Variants in PEX5 observed in about 807,000 individuals in gnomAD.
PEX5 encodes the protein peroxisomal biogenesis factor 5.
PEX5 carries 52 observed loss-of-function variants against 82.9 expected under a neutral mutation model. The observed-to-expected ratio is 0.63, with a 90% CI of 0.50 to 0.79. The LOEUF is 0.79. Among genes scored for constraint, PEX5 ranks in the 30% least tolerant of loss-of-function variants. PEX5 has a pLI of 0.00. For synonymous variants in PEX5, 300 were observed against 318.8 expected (o/e 0.94, Z 0.63); for missense variants, 719 against 815.2 (o/e 0.88, Z 1.44).
downstream of PEX5, among the ~76,000 whole-genome samples, chr12:7,216,113 G>A (rs775287193): frequency 2.6e-5 from 4 of 151,978 alleles, no homozygotes; most frequent in Non-Finnish European, 5.9e-5. Flanking sequence ...TATTACAGGC[G>A]CCTGCCACCA....
downstream of PEX5, among the ~76,000 whole-genome samples, chr12:7,214,034 C>T (rs1591819939): frequency 6.6e-6 from 1 of 152,210 alleles, no homozygotes; most frequent in African/African-American, 2.4e-5. Flanking sequence ...TACCATCTCA[C>T]ACCAGTTAGA....
In PEX5 at chr12:7,202,252, C is replaced by T. The variant is rs752935710; in HGVS notation, c.654C>T (p.Phe218=). ...TCTCTGTGCCCCAGTTCCTGAAATT[C>T]GTGCGGCAGATTGGCGAAGGGCAGG... ...PKLANSEFLK[F]VRQIGEGQVS... Residue 218 remains phenylalanine (F), a synonymous_variant, in exon 8 of 16, where the codon TTC becomes TTT. Transcript: ENST00000675855. 1.2e-5 allele frequency: 20 copies of T among 1,614,036 alleles called. No individual in the cohort carries two copies. Among genetic ancestry groups the T allele is most frequent in the East Asian group, 4.5e-5 (2 of 44,872 alleles).
intron 7 of PEX5, 116 bp downstream of exon 7, chr12:7,201,957 CGT>C: frequency 1.2e-6 from 1 of 808,306 alleles, no homozygotes; most frequent in Non-Finnish European, 2.1e-6. Context: ...TAGGTCTCTT[CGT>C]TCCTGTCTAT....
intron 14 of PEX5, 88 bp downstream of exon 14, chr12:7,209,258 G>C: frequency 3.8e-6 from 5 of 1,322,388 alleles, no homozygotes; most frequent in Non-Finnish European, 5.4e-6. Context: ...GATGGTGCAT[G>C]CCTGTAGTCC....
downstream of PEX5, among the ~76,000 whole-genome samples, chr12:7,211,860 A>C (rs756168827): frequency 8.5e-5 from 13 of 152,166 alleles, no homozygotes; most frequent in Non-Finnish European, 1.3e-4. Context: ...TGCCATATCA[A>C]GATGGGTATT....
rs148040532 is a variant in PEX5, at chr12:7,193,309, C to T, written c.448+1609C>T. Reference sequence around the variant, plus strand: ...AGTGCAGCGGTGCAATCTGTACGCACTGCAACCTCTGCCTCCTGGCTTCAA... The same window carrying T: ...AGTGCAGCGGTGCAATCTGTACGCATTGCAACCTCTGCCTCCTGGCTTCAA... On this transcript the variant is annotated intron_variant, in intron 5 of 15. Coordinates refer to ENST00000675855, the MANE Select transcript of PEX5 (RefSeq NM_001351132.2). Among the ~76,000 whole-genome samples the T allele has an allele frequency of 1.4e-4, 21 of 149,094 alleles. No individual in the cohort carries two copies. In the East Asian group the frequency reaches 4.0e-3, roughly 28 times the overall value.
At chr12:7,191,110 A>G in intron 3 of PEX5, 116 bp from the exon 4 acceptor site, 1 of 1,267,866 alleles carries the variant, frequency 7.9e-7, no homozygotes, top group Admixed American at 1.7e-5. Flanking sequence ...ATGTGTCTCC[A>G]GTTTCTGTGT....
chr12:7,201,711 T>C (rs1312661069), intron 6 of PEX5, 40 bp from the exon 7 acceptor site: 1 of 1,393,104 alleles, frequency 7.2e-7, no homozygotes. Flanking sequence ...GGGAGGGTGA[T>C]GGCAGACTAA....
At chr12:7,189,973 G>T in intron 1 of PEX5, 1 of 1,494,988 alleles carries the variant, frequency 6.7e-7, no homozygotes, top group Non-Finnish European at 8.8e-7. Context: ...GGGGCTGCGC[G>T]GGGCTAGGTA....
At chr12:7,213,706 A>T (rs1945693825), downstream of PEX5, among the ~76,000 whole-genome samples, 1 of 149,666 alleles carries the variant, frequency 6.7e-6, no homozygotes, top group Non-Finnish European at 1.5e-5. Flanking sequence ...CAATGGCAAC[A>T]AAAGACAAAA....
chr12:7,214,051 G>A (rs371504260), downstream of PEX5, among the ~76,000 whole-genome samples: 427 of 152,232 alleles, frequency 2.8e-3, 1 homozygote, highest in African/African-American at 8.7e-3. Flanking sequence ...TAGAATGGCA[G>A]TCATTAAAAA....
rs1565689961 is a variant in PEX5 at position 7,197,541 on chromosome 12, A to ATATGTTATATATAATGTAATAAT, written c.449-1467_449-1466insGTTATATATAATGTAATAATTAT. Among the ~76,000 whole-genome samples, 289 of 105,878 alleles carry ATATGTTATATATAATGTAATAAT rather than the reference A, an allele frequency of 2.7e-3. 4 individuals carry two copies. Among genetic ancestry groups the ATATGTTATATATAATGTAATAAT allele is most frequent in the African/African-American group, 9.5e-3 (282 of 29,644 alleles). 69.5% of individuals were successfully genotyped at this position (105,878 alleles called of 152,430 possible). On this transcript the variant is annotated intron_variant, in intron 5 of 15. Coordinates refer to ENST00000675855, the MANE Select transcript of PEX5 (RefSeq NM_001351132.2). ...ATTATATGTTATATATAATGTAATT[A>ATATGTTATATATAATGTAATAAT]TATATGTTATATATAATATAATAAG... is the stretch of plus-strand genomic sequence containing the variant.
intron 14 of PEX5, 131 bp downstream of exon 14, chr12:7,209,301 C>T: frequency 2.2e-6 from 2 of 919,698 alleles, no homozygotes; most frequent in South Asian, 1.4e-5. Context: ...GGGAGGATCA[C>T]TTGAGCCTGG....
chr12:7,205,212 C>A (rs1333857020), intron 10 of PEX5, among the ~76,000 whole-genome samples: 1 of 152,196 alleles, frequency 6.6e-6, no homozygotes, highest in Non-Finnish European at 1.5e-5. Flanking sequence ...TTGAGCCCTA[C>A]TTGATATCAT....
intron 13 of PEX5, 79 bp from the exon 14 acceptor site, chr12:7,208,926 T>C: frequency 1.6e-6 from 2 of 1,266,268 alleles, no homozygotes; most frequent in Non-Finnish European, 1.2e-6. Context: ...ATATGGTTGA[T>C]CAATGAAGAA....
chr12:7,189,989 G>C (rs751293349), intron 1 of PEX5: 2 of 1,501,594 alleles, frequency 1.3e-6, no homozygotes, highest in East Asian at 2.5e-5. Context: ...AGGTATGGTC[G>C]GGCTGTTTTC....
At chr12:7,204,423 A>C (rs1324534711) in intron 10 of PEX5, among the ~76,000 whole-genome samples, 3 of 152,236 alleles carry the variant, frequency 2.0e-5, no homozygotes, top group Admixed American at 1.3e-4. Context: ...GATGCAGTTC[A>C]GAAAAAGGCT....
intron 5 of PEX5, among the ~76,000 whole-genome samples, chr12:7,196,591 C>T (rs768955222): frequency 0.012 from 84 of 6,796 alleles, no homozygotes; most frequent in African/African-American, 0.022. Flanking sequence ...ATATATGTCA[C>T]ATAATGTAAT....
chr12:7,212,178 TG>T (rs1945624164), downstream of PEX5, among the ~76,000 whole-genome samples: 1 of 151,950 alleles, frequency 6.6e-6, no homozygotes, highest in South Asian at 2.1e-4. Flanking sequence ...TTGGTCAGGC[TG>T]GTCTCGAACG....
Sources: allele counts gnomAD v4.1 joint callset (sites outside exome capture counted in the v4.1 genomes callset), GRCh38; gene constraint gnomAD v4.1.1; transcripts MANE v1.5; gene names NCBI Gene and HGNC (gene_info 2026-07-23, HGNC 2026-07-21).